The following CRYBG1 variants were observed in gnomAD, a reference collection of about 807,000 sequenced individuals.
The protein encoded by CRYBG1 is crystallin beta-gamma domain containing 1, also known as beta/gamma crystallin domain-containing protein 1.
Under a neutral mutation model 189.2 loss-of-function variants are expected in CRYBG1, and 139 were observed. The ratio of observed to expected loss-of-function variants is 0.73; its 90% CI spans 0.64 to 0.85. The LOEUF (loss-of-function observed/expected upper bound fraction) is 0.85. Ranked by LOEUF, CRYBG1 falls within the 40% of genes least tolerant of loss-of-function variation. The probability of loss-of-function intolerance (pLI) is 0.00; values close to 1 mark genes in which losing one functional copy is unlikely to be tolerated. For synonymous variants in CRYBG1, 1,023 were observed against 1,017.1 expected (o/e 1.01, Z -0.11); for missense variants, 2,611 against 2,675.8 (o/e 0.98, Z 0.53).
intron 8 of CRYBG1, among the ~76,000 whole-genome samples, chr6:106,535,310 A>T (rs1200217198): frequency 6.6e-6 from 1 of 152,176 alleles, no homozygotes; most frequent in Non-Finnish European, 1.5e-5. Context: ...ACCATATCAG[A>T]GCCCAATTTT....
chr6:106,562,236 A>G (rs1438514178), intron 20 of CRYBG1, among the ~76,000 whole-genome samples: 9 of 152,224 alleles, frequency 5.9e-5, no homozygotes, highest in Admixed American at 5.2e-4. Flanking sequence ...TGGAGGGGGA[A>G]TTCTTTCAGT....
At chr6:106,507,185 G>A (rs1449807400) in intron 2 of CRYBG1, among the ~76,000 whole-genome samples, 2 of 152,166 alleles carry the variant, frequency 1.3e-5, no homozygotes, top group Non-Finnish European at 2.9e-5. Flanking sequence ...CCCCTAATGA[G>A]CCACATTTCA....
At chr6:106,504,939 G>A (rs1476675332) in intron 2 of CRYBG1, among the ~76,000 whole-genome samples, 1 of 147,572 alleles carries the variant, frequency 6.8e-6, no homozygotes. Context: ...TGAATATCCT[G>A]GAAGTTATTA....
intron 1 of CRYBG1, among the ~76,000 whole-genome samples, chr6:106,379,843 A>T (rs186484200): frequency 6.6e-6 from 1 of 152,012 alleles, no homozygotes; most frequent in East Asian, 1.9e-4. Flanking sequence ...GCCTCCCAAC[A>T]TGCTGGGATT....
chr6:106,534,572 A>T (rs1773957108), intron 8 of CRYBG1, among the ~76,000 whole-genome samples: 1 of 152,146 alleles, frequency 6.6e-6, no homozygotes, highest in African/African-American at 2.4e-5. Flanking sequence ...ACTCCTTAAG[A>T]ATCCATTAGG....
chr6:106,471,974 T>C (rs1487437740), intron 2 of CRYBG1, among the ~76,000 whole-genome samples: 24 of 152,220 alleles, frequency 1.6e-4, no homozygotes, highest in Admixed American at 1.6e-3. Context: ...AGCTGACCAG[T>C]AAAAACTTCA....
At chr6:106,481,528 C>T (rs1201395196) in intron 2 of CRYBG1, among the ~76,000 whole-genome samples, 1 of 151,886 alleles carries the variant, frequency 6.6e-6, no homozygotes, top group East Asian at 1.9e-4. Context: ...GAAGCCCTCT[C>T]GATATCTTTA....
In CRYBG1 at chr6:106,544,875, A is replaced by ATT; in HGVS notation, c.5254_5255insTT (p.Asn1752IlefsTer3). On this transcript the variant is annotated frameshift_variant, in exon 13 of 22. Coordinates refer to ENST00000633556, the MANE Select transcript of CRYBG1 (RefSeq NM_001371242.2). LOFTEE classifies it high-confidence loss of function. The stretch of plus-strand genomic sequence containing the variant: ...TATTGATGTATTGGGAATTGTTGCT[A>ATT]ATTTAAAGGAGACTGGATATGGAGT... 1 of 1,613,742 alleles carries ATT rather than the reference A, an allele frequency of 6.2e-7. No homozygotes were observed. Among genetic ancestry groups the ATT allele is most frequent in the Non-Finnish European group, 8.5e-7 (1 of 1,179,818 alleles).
At chr6:106,526,027 T>C (rs1021071209) in intron 6 of CRYBG1, among the ~76,000 whole-genome samples, 1 of 152,198 alleles carries the variant, frequency 6.6e-6, no homozygotes, top group Non-Finnish European at 1.5e-5. Flanking sequence ...TCAGCTTCAT[T>C]GCCTCTTGGA....
chr6:106,510,435 A>G (rs570937664), intron 2 of CRYBG1, among the ~76,000 whole-genome samples: 1 of 152,096 alleles, frequency 6.6e-6, no homozygotes, highest in Non-Finnish European at 1.5e-5. Context: ...TGGCGCGGGC[A>G]CTGGATGCTA....
chr6:106,507,221 G>T (rs186599487), intron 2 of CRYBG1, among the ~76,000 whole-genome samples: 171 of 152,276 alleles, frequency 1.1e-3, no homozygotes, highest in African/African-American at 4.0e-3. Context: ...ACACTCTAAA[G>T]CAGGTCGTAG....
intron 1 of CRYBG1, among the ~76,000 whole-genome samples, chr6:106,447,975 G>A (rs915091437): frequency 1.3e-5 from 2 of 152,210 alleles, no homozygotes; most frequent in Non-Finnish European, 2.9e-5. Flanking sequence ...AATACATTGT[G>A]AAGGTTGTGT....
intron 2 of CRYBG1, 118 bp from the exon 3 acceptor site, chr6:106,511,312 C>A: frequency 3.1e-6 from 3 of 958,988 alleles, no homozygotes; most frequent in South Asian, 2.2e-5. Flanking sequence ...ATAACTTTAT[C>A]ATTTTCAATT....
Position 106,476,083 on chromosome 6 carries a change from T to C in CRYBG1, c.312+24251T>C, listed in dbSNP as rs543312074. Among the ~76,000 whole-genome samples, 4 of 152,350 alleles carry C rather than the reference T, an allele frequency of 2.6e-5. No homozygotes were observed. The South Asian group carries it at 8.3e-4, about 32-fold the overall frequency. ...CTAGTGTTTGATGATGTTACTTCTC[T>C]AAATGAAGAAAGATAAGCCCCACCT... is the stretch of plus-strand genomic sequence containing the variant. On this transcript the variant is annotated intron_variant, in intron 2 of 21. Coordinates refer to ENST00000633556, the MANE Select transcript of CRYBG1 (RefSeq NM_001371242.2).
At chr6:106,467,550 C>A (rs541965598) in intron 2 of CRYBG1, among the ~76,000 whole-genome samples, 31 of 152,172 alleles carry the variant, frequency 2.0e-4, no homozygotes, top group Admixed American at 1.8e-3. Flanking sequence ...AACCTGCTTG[C>A]AAGGACAAAT....
intron 3 of CRYBG1, among the ~76,000 whole-genome samples, chr6:106,515,687 G>A (rs17495248): frequency 0.034 from 5,151 of 152,100 alleles, 128 homozygotes; most frequent in Non-Finnish European, 0.052. Context: ...CCTGCAATAA[G>A]GGAGCCTAAG....
intron 1 of CRYBG1, among the ~76,000 whole-genome samples, chr6:106,375,421 G>GTAAGTAAGTAAATAAA (rs1369650803): frequency 6.4e-5 from 8 of 125,324 alleles, no homozygotes; most frequent in African/African-American, 3.1e-4. Flanking sequence ...AAGTAAGTAA[G>GTAAGTAAGTAAATAAA]TAAATAAATA....
chr6:106,520,884 G>T lies in CRYBG1; in HGVS notation c.3676G>T (p.Asp1226Tyr). Residue 1226 changes from aspartate (D) to tyrosine (Y), a missense_variant, in exon 4 of 22, where the codon GAC (aspartate) becomes TAC (tyrosine). Asp to Tyr is a radical substitution (Grantham distance 160). Around this residue, in one of 3 missense-constraint regions of CRYBG1, gnomAD observed 1,622 missense variants for 1,735.0 expected, o/e 0.93. Coordinates refer to ENST00000633556, the MANE Select transcript of CRYBG1 (RefSeq NM_001371242.2). ...GGAAATCAATGACAAAGAGAACAGG[G>T]ACGTCACAAATGGTGGCATTAAGAG... The part of the protein sequence containing the change: ...MPEINDKENR[D>Y]VTNGGIKRSR... The T allele has an allele frequency of 6.2e-7, 1 of 1,614,142 alleles. No homozygotes were observed. Among genetic ancestry groups the T allele is most frequent in the Non-Finnish European group, 8.5e-7 (1 of 1,180,028 alleles).
intron 1 of CRYBG1, among the ~76,000 whole-genome samples, chr6:106,373,661 G>A (rs573227564): frequency 7.2e-5 from 11 of 152,258 alleles, no homozygotes; most frequent in Non-Finnish European, 1.5e-4. Flanking sequence ...TATATACACA[G>A]AGCTAACTTC....
Sources: gnomAD v4.1 joint callset for allele counts (sites outside exome capture counted in the v4.1 genomes callset) on GRCh38, gnomAD v4.1.1 for gene constraint, gnomAD v4.1.1 regional missense constraint, MANE v1.5 for transcripts, NCBI Gene and HGNC (gene_info 2026-07-23, HGNC 2026-07-21) for gene names.